SLC25A31: variants seen among roughly 807,000 people sequenced by gnomAD.
SLC25A31 encodes the protein solute carrier family 25 member 31.
In SLC25A31, 40 loss-of-function variants were observed where a neutral mutation model predicts 36.2. The ratio of observed to expected loss-of-function variants is 1.10; its 90% CI spans 0.86 to 1.44. SLC25A31 has a LOEUF of 1.44. SLC25A31 is among the 40% of genes most tolerant of loss of function. The pLI is 0.00. For synonymous variants in SLC25A31, 143 were observed against 149.7 expected, an observed-to-expected ratio of 0.96 and a Z score of 0.32; for missense variants, 350 against 397.1, an observed-to-expected ratio of 0.88 and a Z score of 1.01.
At chr4:127,767,246 A>G (rs750797816) in intron 4 of SLC25A31, 26 bp downstream of exon 4, 2 of 1,448,144 alleles carry the variant, frequency 1.4e-6, no homozygotes, top group Non-Finnish European at 1.8e-6. Context: ...TAACTTGGAC[A>G]TATTAAATAT....
intron 2 of SLC25A31, among the ~76,000 whole-genome samples, chr4:127,762,914 ACT>A (rs1286235334): frequency 1.3e-5 from 2 of 150,772 alleles, no homozygotes; most frequent in Admixed American, 6.6e-5. Flanking sequence ...ACAGAGCGAG[ACT>A]CTGTCTCAAA....
intron 1 of SLC25A31, among the ~76,000 whole-genome samples, chr4:127,740,052 T>C (rs1447711651): frequency 3.3e-5 from 5 of 152,152 alleles, no homozygotes; most frequent in African/African-American, 7.2e-5. Context: ...CTTTGAATTC[T>C]TAGTCATTTC....
chr4:127,743,395 C>A (rs1215783099), intron 1 of SLC25A31, among the ~76,000 whole-genome samples: 1 of 152,144 alleles, frequency 6.6e-6, no homozygotes, highest in African/African-American at 2.4e-5. Flanking sequence ...TTTGGCTTCC[C>A]AAAGTGCTGG....
chr4:127,735,880 AT>A lies in SLC25A31; in HGVS notation c.232+5106del, dbSNP rs1345012855. On this transcript the variant is annotated intron_variant, in intron 1 of 5. Transcript: ENST00000281154. ...TAACATTCTTTTATTTTATTTATTT[AT>A]TTATTTATTTATTTATTTTTTTTTT... Among the ~76,000 whole-genome samples the A allele has an allele frequency of 1.0e-4, 7 of 70,018 alleles. No homozygotes were observed. In the East Asian group the frequency reaches 1.3e-3, roughly 13 times the overall value. 45.9% of individuals were successfully genotyped at this position (70,018 alleles called of 152,430 possible).
At chr4:127,734,681 C>T (rs12511932) in intron 1 of SLC25A31, among the ~76,000 whole-genome samples, 95,741 of 151,704 alleles carry the variant, frequency 0.63, 30,898 homozygotes, top group Middle Eastern at 0.8. Context: ...TTTTCCCAAA[C>T]CCATTTTTCT....
At position 127,773,903 on chromosome 4, in the gene SLC25A31, C is replaced by T. The variant is rs755930570; in HGVS notation, c.*329C>T. On this transcript the variant is annotated 3_prime_UTR_variant, in exon 6 of 6. Transcript: ENST00000281154. ...GCTGAAATCTAGGAAATGAAAGTAG[C>T]GTCTTTTAAATTGCTATTCATTTAA... 10 of 172,582 alleles carry T rather than the reference C, an allele frequency of 5.8e-5. No individual in the cohort carries two copies. The highest frequency in any genetic ancestry group is 1.9e-4 in the South Asian group (1 of 5,266). 10.7% of individuals were successfully genotyped at this position (172,582 alleles called of 1,614,324 possible).
chr4:127,740,183 C>T (rs1731707697), intron 1 of SLC25A31, among the ~76,000 whole-genome samples: 1 of 152,168 alleles, frequency 6.6e-6, no homozygotes, highest in African/African-American at 2.4e-5. Flanking sequence ...CAACTGGAGA[C>T]ACTAGTGCTT....
intron 2 of SLC25A31, among the ~76,000 whole-genome samples, chr4:127,751,923 G>A (rs1327319759): frequency 2.0e-5 from 3 of 152,086 alleles, no homozygotes; most frequent in Non-Finnish European, 2.9e-5. Context: ...GAAACAACAG[G>A]TGCTGGAGAG....
chr4:127,730,573 G>A lies in SLC25A31; in HGVS notation c.28G>A (p.Ala10Thr). The change falls in exon 1 of 6, where the codon GCA becomes ACA. Residue 10 changes from alanine to threonine, a missense_variant. By Grantham distance (58) the Ala-to-Thr change is moderately conservative (BLOSUM62 0). Transcript: ENST00000281154. The part of the protein sequence containing the change: MHREPAKKK[A>T]EKRLFDASSF... ...GCATCGTGAGCCTGCGAAAAAGAAG[G>A]CAGAAAAGCGGCTGTTTGACGCCTC... The A allele has an allele frequency of 5.0e-6, 8 of 1,613,982 alleles. No homozygotes were observed. Among genetic ancestry groups the A allele is most frequent in the Non-Finnish European group, 6.8e-6 (8 of 1,179,842 alleles).
chr4:127,760,748 C>G (rs939175352), intron 2 of SLC25A31, among the ~76,000 whole-genome samples: 1 of 152,076 alleles, frequency 6.6e-6, no homozygotes, highest in African/African-American at 2.4e-5. Flanking sequence ...CTTCTTTTAA[C>G]AATATAGTAG....
Position 127,770,737 on chromosome 4 carries a change from T to C in SLC25A31, c.759+1860T>C, listed in dbSNP as rs1228527017. On this transcript the variant is annotated intron_variant, in intron 5 of 5. Transcript: ENST00000281154. ...AAAAAAAATGGGAATATGAGTCTTA[T>C]ATGTGTGTGTGTATTAGTTTGCTAG... Among the ~76,000 whole-genome samples, 3 of 152,108 alleles carry C rather than the reference T, an allele frequency of 2.0e-5. 1 individual carries two copies. Among genetic ancestry groups the C allele is most frequent in the Admixed American group, 1.3e-4 (2 of 15,276 alleles).
chr4:127,730,740 CATGG>C lies in SLC25A31; in HGVS notation c.196_199del (p.Met66TrpfsTer33), dbSNP rs1731505687. The C allele has an allele frequency of 6.2e-7, 1 of 1,613,472 alleles. No homozygotes were observed. The highest frequency in any genetic ancestry group is 1.7e-5 in the Admixed American group (1 of 59,992). ...TCAGCCCCGAGGCGCGGTACAAAGGCATGGTGGACTGCCTGGTGCGGATTCCTCG... is the reference window on the plus strand; with the variant it reads ...TCAGCCCCGAGGCGCGGTACAAAGGCTGGACTGCCTGGTGCGGATTCCTCG... On this transcript the variant is annotated frameshift_variant, in exon 1 of 6. Coordinates refer to ENST00000281154, the MANE Select transcript of SLC25A31 (RefSeq NM_031291.4). LOFTEE classifies it high-confidence loss of function.
chr4:127,735,213 G>C (rs1357301192), intron 1 of SLC25A31, among the ~76,000 whole-genome samples: 1 of 152,074 alleles, frequency 6.6e-6, no homozygotes, highest in Non-Finnish European at 1.5e-5. Flanking sequence ...TTGGACCTGA[G>C]ACAAGAAGAC....
intron 1 of SLC25A31, among the ~76,000 whole-genome samples, chr4:127,743,949 G>A (rs186886781): frequency 2.0e-5 from 3 of 152,250 alleles, no homozygotes; most frequent in Non-Finnish European, 4.4e-5. Context: ...ATTTGTAATC[G>A]AGTGAAAACA....
chr4:127,760,543 A>G (rs1732107591), intron 2 of SLC25A31, among the ~76,000 whole-genome samples: 1 of 152,246 alleles, frequency 6.6e-6, no homozygotes, highest in Non-Finnish European at 1.5e-5. Flanking sequence ...AATGAGGAAG[A>G]CTAGAGCTGC....
At chr4:127,739,806 C>T (rs963978936) in intron 1 of SLC25A31, among the ~76,000 whole-genome samples, 2 of 151,832 alleles carry the variant, frequency 1.3e-5, no homozygotes, top group African/African-American at 4.8e-5. Context: ...TTTTGTCTAA[C>T]TGGGTTAAAG....
chr4:127,743,821 G>A (rs533351861), intron 1 of SLC25A31, among the ~76,000 whole-genome samples: 46 of 152,224 alleles, frequency 3.0e-4, no homozygotes, highest in Middle Eastern at 3.4e-3. Flanking sequence ...GAGCACTAGC[G>A]CAGTTAACTG....
At position 127,761,728 on chromosome 4, in the gene SLC25A31, A is replaced by G. The variant is rs577089130; in HGVS notation, c.361-2515A>G. On this transcript the variant is annotated intron_variant, in intron 2 of 5. Coordinates refer to ENST00000281154, the MANE Select transcript of SLC25A31 (RefSeq NM_031291.4). ...TGCTTCCAGAATACCCCACACTCTA[A>G]AAATATATGTTCATACATGTGTAAT... Among the ~76,000 whole-genome samples the G allele has an allele frequency of 4.6e-5, 7 of 152,354 alleles. 1 individual carries two copies. The South Asian group carries it at 1.4e-3, about 32-fold the overall frequency.
At chr4:127,770,925 G>T (rs1732345276) in intron 5 of SLC25A31, among the ~76,000 whole-genome samples, 1 of 150,966 alleles carries the variant, frequency 6.6e-6, no homozygotes, top group Non-Finnish European at 1.5e-5. Flanking sequence ...GTTTTCACAG[G>T]GTTCCTCCTC....
Sources: gnomAD v4.1 joint callset for allele counts (sites outside exome capture counted in the v4.1 genomes callset) on GRCh38, gnomAD v4.1.1 for gene constraint, MANE v1.5 for transcripts, NCBI Gene and HGNC (gene_info 2026-07-23, HGNC 2026-07-21) for gene names.